The following GRIP2 variants were observed in gnomAD, a reference collection of about 807,000 sequenced individuals.
GRIP2 encodes glutamate receptor-interacting protein 2.
GRIP2 carries 58 observed loss-of-function variants against 108.3 expected under a neutral mutation model. That is an observed-to-expected ratio of 0.54 (90% CI 0.43 to 0.67). The LOEUF is 0.67. GRIP2 is among the 30% of genes least tolerant of loss of function. The pLI is 0.00. For missense variants in GRIP2, 1,278 were observed against 1,430.6 expected (o/e 0.89, Z 1.72); for synonymous variants, 586 against 598.2 (o/e 0.98, Z 0.30).
chr3:14,546,349 G>A (rs949483648), upstream of GRIP2, among the ~76,000 whole-genome samples: 5 of 152,152 alleles, frequency 3.3e-5, no homozygotes, highest in East Asian at 1.9e-4. Context: ...TAGCAGGGTC[G>A]TGCTGTGACC....
chr3:14,518,816 C>T (rs895796018), intron 9 of GRIP2, among the ~76,000 whole-genome samples: 1 of 152,224 alleles, frequency 6.6e-6, no homozygotes, highest in Non-Finnish European at 1.5e-5. Context: ...GTCACTTCGC[C>T]TATCTGTGCC....
rs1341904725 is a variant in GRIP2, at chr3:14,512,678, G to T, written c.1720+99C>A. 5.1e-6 allele frequency: 6 copies of T among 1,168,204 alleles called. No individual in the cohort carries two copies. The highest frequency in any genetic ancestry group is 6.2e-6 in the Non-Finnish European group (5 of 804,894). 72.4% of individuals were successfully genotyped at this position (1,168,204 alleles called of 1,614,324 possible). ...AAGCCTTTTCCTCGGGCCCCGCAGG[G>T]TGTCACGCCATGGAAATGCTGGTCT... On this transcript the variant is annotated intron_variant, in intron 14 of 23. Transcript: ENST00000621039. This position sits in a 1 kb window ranked among gnomAD's most constrained non-coding sequence, Gnocchi z 5.1.
chr3:14,531,095 T>C (rs1162586162), intron 1 of GRIP2: 2 of 152,254 alleles, frequency 1.3e-5, no homozygotes, highest in African/African-American at 4.8e-5. Context: ...GTACGTATTC[T>C]GAACTTTTAA....
At position 14,522,964 on chromosome 3, in the gene GRIP2, C is replaced by T; in HGVS notation, c.566+36G>A. The T allele has an allele frequency of 6.3e-7, 1 of 1,578,734 alleles. No homozygotes were observed. ...TCTTCGCAGGGGAGTTGGGGCAGGT[C>T]AGTGCAGTGTGTGGATTTCTTCTGC... On this transcript the variant is annotated intron_variant, in intron 6 of 23. Transcript: ENST00000621039. The surrounding 1 kb of genome is among the most constrained non-coding windows in gnomAD (Gnocchi z 4.3).
chr3:14,514,672 T>C (rs1355116864), intron 11 of GRIP2, among the ~76,000 whole-genome samples, 194 bp from the exon 12 acceptor site: 2 of 152,168 alleles, frequency 1.3e-5, no homozygotes, highest in African/African-American at 2.4e-5. Flanking sequence ...GGATCGTTGA[T>C]TCCCACCTCG....
At chr3:14,600,437 T>G in the GRIP2 span, among the ~76,000 whole-genome samples, 2 of 152,158 alleles carry the variant, frequency 1.3e-5, no homozygotes, top group African/African-American at 4.8e-5. Context: ...GGTCACATAG[T>G]TAGTAATCAG....
the GRIP2 span, among the ~76,000 whole-genome samples, chr3:14,587,054 T>C: frequency 1.3e-5 from 2 of 152,244 alleles, no homozygotes; most frequent in Non-Finnish European, 2.9e-5. Context: ...TTCGTCTTTA[T>C]TTTCAAAATA....
intron 19 of GRIP2, among the ~76,000 whole-genome samples, chr3:14,506,063 C>T (rs911995945): frequency 6.6e-6 from 1 of 152,222 alleles, no homozygotes; most frequent in African/African-American, 2.4e-5. Flanking sequence ...ACATGTGGCC[C>T]ACCCTCCACT....
chr3:14,518,380 G>A (rs145050962), intron 9 of GRIP2, among the ~76,000 whole-genome samples: 5 of 152,182 alleles, frequency 3.3e-5, no homozygotes, highest in Non-Finnish European at 5.9e-5. Context: ...TCTGCCCCAC[G>A]ACTCTCCAGG....
chr3:14,562,879 A>C, the GRIP2 span, among the ~76,000 whole-genome samples: 1 of 152,238 alleles, frequency 6.6e-6, no homozygotes, highest in African/African-American at 2.4e-5. Flanking sequence ...ATTGGACCTG[A>C]ATCAAATCCA....
At chr3:14,545,992 G>A (rs1272231304), upstream of GRIP2, among the ~76,000 whole-genome samples, 2 of 152,206 alleles carry the variant, frequency 1.3e-5, no homozygotes, top group East Asian at 1.9e-4. Context: ...AGATGGTCCC[G>A]AGGGCTGTGA....
the GRIP2 span, among the ~76,000 whole-genome samples, chr3:14,581,854 C>A: frequency 1.3e-5 from 2 of 152,162 alleles, no homozygotes; most frequent in Non-Finnish European, 2.9e-5. Context: ...CTTGGAAAGG[C>A]GTGAGAAGGA....
At position 14,503,561 on chromosome 3, in the gene GRIP2, C is replaced by G; in HGVS notation, c.2679+5G>C. On this transcript the variant is annotated splice_donor_5th_base_variant and intron_variant, in intron 21 of 23. Transcript: ENST00000621039. ...CATGCAGGCCTGCAGGGCAGGCAGC[C>G]ATACCTCCAGTTCCCTCAGCAGCTC... 1 of 1,605,616 alleles carries G rather than the reference C, an allele frequency of 6.2e-7. No individual in the cohort carries two copies. The highest frequency in any genetic ancestry group is 1.1e-5 in the South Asian group (1 of 89,320).
the GRIP2 span, among the ~76,000 whole-genome samples, chr3:14,591,985 A>C: frequency 6.6e-6 from 1 of 152,222 alleles, no homozygotes; most frequent in East Asian, 1.9e-4. Context: ...GACCTTGTCT[A>C]TCTACTTCAG....
rs554922875 is a variant in GRIP2 at position 14,522,868 on chromosome 3, G to A, written c.566+132C>T. 3.6e-5 allele frequency: 27 copies of A among 744,312 alleles called. No homozygotes were observed. In the Middle Eastern group the frequency reaches 1.0e-3, roughly 28 times the overall value. 46.1% of individuals were successfully genotyped at this position (744,312 alleles called of 1,614,324 possible). A position where few individuals can be genotyped will look rare whatever the true frequency, so the allele number is the denominator to read the frequency against. ...CATCAACAACTCCCTGAATGACACC[G>A]GGCAGGGAGTGTTCCCTCAGGGCCT... On this transcript the variant is annotated intron_variant, in intron 6 of 23. Coordinates refer to ENST00000621039, the MANE Select transcript of GRIP2 (RefSeq NM_001080423.4). This position sits in a 1 kb window ranked among gnomAD's most constrained non-coding sequence, Gnocchi z 4.3.
upstream of GRIP2, among the ~76,000 whole-genome samples, chr3:14,544,199 G>A (rs890673446): frequency 2.6e-5 from 4 of 152,234 alleles, no homozygotes; most frequent in South Asian, 2.1e-4. Flanking sequence ...CCTTGGAAGC[G>A]TTTTGCAAAC....
the GRIP2 span, among the ~76,000 whole-genome samples, chr3:14,578,611 G>A: frequency 6.6e-6 from 1 of 152,096 alleles, no homozygotes; most frequent in Non-Finnish European, 1.5e-5. Flanking sequence ...CAGCTACTCG[G>A]GAGGCTGAAA....
At chr3:14,495,406 T>C (rs1693566370) in intron 22 of GRIP2, among the ~76,000 whole-genome samples, 1 of 152,128 alleles carries the variant, frequency 6.6e-6, no homozygotes, top group Non-Finnish European at 1.5e-5. Context: ...TTGTTGTTTT[T>C]GTTTTCGTTT....
the GRIP2 span, among the ~76,000 whole-genome samples, chr3:14,588,495 G>A: frequency 6.6e-6 from 1 of 151,982 alleles, no homozygotes; most frequent in African/African-American, 2.4e-5. Context: ...CTCAAGGTGG[G>A]TGGCCTCTCC....
Sources: allele counts gnomAD v4.1 joint callset (sites outside exome capture counted in the v4.1 genomes callset), GRCh38; gene constraint gnomAD v4.1.1; non-coding constraint Gnocchi (gnomAD v3.1); transcripts MANE v1.5; gene names NCBI Gene and HGNC (gene_info 2026-07-23, HGNC 2026-07-21).